The following CCT5 variants were observed in gnomAD, a reference collection of about 807,000 sequenced individuals.
CCT5 encodes chaperonin containing TCP1 subunit 5.
Under a neutral mutation model 55.0 loss-of-function variants are expected in CCT5, and 6 were observed. The observed-to-expected ratio is 0.11, with a 90% confidence interval of 0.06 to 0.22. The LOEUF is 0.22. CCT5 is among the 10% of genes least tolerant of loss of function. The pLI, the probability that CCT5 is intolerant of heterozygous loss-of-function variation, is 1.00. For synonymous variants in CCT5, 231 were observed against 243.7 expected (o/e 0.95, Z 0.49); for missense variants, 560 against 694.6 (o/e 0.81, Z 2.18).
Position 10,254,703 on chromosome 5 carries a change from G to T in CCT5, c.196G>T (p.Gly66Ter). Reference sequence around the variant, plus strand: ...TGATAAGATGATGGTGGATAAGGATGGAGATGTGACTGTAACTAATGATGG... The same window carrying T: ...TGATAAGATGATGGTGGATAAGGATTGAGATGTGACTGTAACTAATGATGG... The part of the protein sequence containing the change: ...GLDKMMVDKD[G>*]DVTVTNDGAT... The change falls in exon 3 of 11, where the codon GGA becomes TGA. Residue 66 changes from glycine to a stop codon, truncating the protein, a stop_gained. Coordinates refer to ENST00000280326, the MANE Select transcript of CCT5 (RefSeq NM_012073.5). LOFTEE classifies it high-confidence loss of function. The T allele has an allele frequency of 6.2e-7, 1 of 1,613,806 alleles. No individual in the cohort carries two copies. The highest frequency in any genetic ancestry group is 8.5e-7 in the Non-Finnish European group (1 of 1,179,780).
rs369643204 is a variant in CCT5, at chr5:10,250,348, C to T, written c.8C>T (p.Ser3Phe). The change falls in exon 1 of 11, where the codon TCC (serine) becomes TTC (phenylalanine). Residue 3 changes from serine to phenylalanine, a missense_variant. This residue lies in a region of CCT5 where 137 missense variants were observed against 181.9 expected (regional missense o/e 0.75). Coordinates refer to ENST00000280326, the MANE Select transcript of CCT5 (RefSeq NM_012073.5). Reference sequence around the variant, plus strand: ...AATTCCGGTTGTTGCACCATGGCGTCCATGGGGACCCTCGCCTTCGATGAA... The same window carrying T: ...AATTCCGGTTGTTGCACCATGGCGTTCATGGGGACCCTCGCCTTCGATGAA... MA[S>F]MGTLAFDEYG... 5.0e-6 allele frequency: 8 copies of T among 1,614,080 alleles called. No homozygotes were observed. The highest frequency in any genetic ancestry group is 5.9e-6 in the Non-Finnish European group (7 of 1,180,030).
At chr5:10,255,741 T>C (rs1579449012) in intron 3 of CCT5, among the ~76,000 whole-genome samples, 2 of 152,358 alleles carry the variant, frequency 1.3e-5, no homozygotes, top group African/African-American at 4.8e-5. Flanking sequence ...GAGGGTTGAA[T>C]GTTCATCTGT....
upstream of CCT5, chr5:10,250,002 C>CA: frequency 1.4e-6 from 2 of 1,470,708 alleles, no homozygotes; most frequent in Non-Finnish European, 1.8e-6. Flanking sequence ...TGCTTTAAGT[C>CA]AATGAATTCC....
At chr5:10,250,000 G>A, upstream of CCT5, 1 of 1,474,786 alleles carries the variant, frequency 6.8e-7, no homozygotes, top group Non-Finnish European at 9.1e-7. Flanking sequence ...AGTGCTTTAA[G>A]TCAATGAATT....
intron 6 of CCT5, 94 bp downstream of exon 6, chr5:10,258,629 TC>T (rs1435735991): frequency 8.4e-7 from 1 of 1,197,476 alleles, no homozygotes; most frequent in African/African-American, 1.5e-5. Flanking sequence ...TTTCTTCAGT[TC>T]TAAAACATAC....
intron 8 of CCT5, 186 bp downstream of exon 8, chr5:10,261,931 T>C: frequency 1.5e-6 from 1 of 671,126 alleles, no homozygotes; most frequent in Admixed American, 2.1e-5. Context: ...CAAGGCACAT[T>C]TGCCTTTCTG....
At position 10,258,538 on chromosome 5, in the gene CCT5, AAGTCTTACCAG is replaced by A; in HGVS notation, c.873+8_873+18del. 2.5e-6 allele frequency: 4 copies of A among 1,612,514 alleles called. No individual in the cohort carries two copies. Among genetic ancestry groups the A allele is most frequent in the Middle Eastern group, 1.7e-4 (1 of 6,056 alleles). The stretch of plus-strand genomic sequence containing the variant: ...AATTTGAAGAGATGATTCAACAAGT[AAGTCTTACCAG>A]AGTCCTCAGTGGAATTTAAACTCCC... On this transcript the variant is annotated splice_donor_5th_base_variant and intron_variant, in intron 6 of 10. Transcript: ENST00000280326.
intron 9 of CCT5, 121 bp downstream of exon 9, chr5:10,262,739 A>G (rs1193838575): frequency 9.4e-7 from 1 of 1,062,214 alleles, no homozygotes; most frequent in South Asian, 1.3e-5. Context: ...TGTAGGTGAC[A>G]GGTGTTTTAA....
upstream of CCT5, chr5:10,250,249 A>G: frequency 2.5e-6 from 4 of 1,594,936 alleles, no homozygotes; most frequent in Non-Finnish European, 2.6e-6. Flanking sequence ...GCGCGTGCGC[A>G]AGCTTTTGGG....
At chr5:10,250,584 G>A in intron 1 of CCT5, 139 bp downstream of exon 1, 13 of 1,488,840 alleles carry the variant, frequency 8.7e-6, no homozygotes, top group South Asian at 2.6e-5. Flanking sequence ...TGCGGTCTCC[G>A]GCCGCTCAGC....
rs758040141 is a variant in CCT5, at chr5:10,256,100, A to G, written c.477A>G (p.Ile159Met). The part of the protein sequence containing the change: ...DKISDSVLVD[I>M]KDTEPLIQTA... The stretch of plus-strand genomic sequence containing the variant: ...TCAGCGATAGCGTCCTTGTTGACAT[A>G]AAGGACACCGAACCCCTGATTCAGA... Residue 159 changes from isoleucine to methionine, a missense_variant, in exon 4 of 11, where the codon ATA becomes ATG. By Grantham distance (10) the Ile-to-Met change is conservative. Coordinates refer to ENST00000280326, the MANE Select transcript of CCT5 (RefSeq NM_012073.5). The G allele has an allele frequency of 6.2e-7, 1 of 1,613,960 alleles. No homozygotes were observed. Among genetic ancestry groups the G allele is most frequent in the Non-Finnish European group, 8.5e-7 (1 of 1,179,864 alleles).
At chr5:10,254,089 T>C in intron 1 of CCT5, 56 bp from the exon 2 acceptor site, 2 of 1,177,604 alleles carry the variant, frequency 1.7e-6, no homozygotes, top group South Asian at 2.4e-5. Flanking sequence ...AGATGTGTGC[T>C]TTTAACCATT....
chr5:10,258,581 TAC>T, intron 6 of CCT5, 46 bp downstream of exon 6: 1 of 1,543,728 alleles, frequency 6.5e-7, no homozygotes, highest in South Asian at 1.1e-5. Context: ...TCCCAAAGGG[TAC>T]AGTTAGTTAG....
chr5:10,262,829 G>A (rs776108932), intron 9 of CCT5, among the ~76,000 whole-genome samples: 4 of 152,118 alleles, frequency 2.6e-5, no homozygotes, highest in African/African-American at 4.8e-5. Context: ...CAGCCAGTTC[G>A]TCCTTGAAAT....
At chr5:10,254,876 C>T (rs764574468) in intron 3 of CCT5, 38 bp downstream of exon 3, 37 of 1,572,628 alleles carry the variant, frequency 2.4e-5, no homozygotes, top group South Asian at 3.3e-5. Context: ...ATTTAAGAGA[C>T]GTCATTTAAG....
intron 8 of CCT5, 66 bp downstream of exon 8, chr5:10,261,811 G>A (rs943014723): frequency 4.6e-6 from 6 of 1,293,810 alleles, no homozygotes; most frequent in Non-Finnish European, 6.8e-6. Flanking sequence ...TTTTTTGCCT[G>A]TGTGTATTTA....
chr5:10,260,692 C>G (rs375292236), intron 6 of CCT5, 100 bp from the exon 7 acceptor site: 3 of 1,299,926 alleles, frequency 2.3e-6, no homozygotes, highest in East Asian at 2.3e-5. Flanking sequence ...TTTGAGTGCA[C>G]CTGCCTTACA....
At chr5:10,250,771 G>C in intron 1 of CCT5, 1 of 1,213,250 alleles carries the variant, frequency 8.2e-7, no homozygotes, top group Non-Finnish European at 1.0e-6. Flanking sequence ...GGCCGCGTGG[G>C]ACTGCGCTCC....
chr5:10,254,392 CTTTTTT>C, intron 2 of CCT5, 187 bp downstream of exon 2: 1 of 516,100 alleles, frequency 1.9e-6, no homozygotes, highest in Non-Finnish European at 3.4e-6. Context: ...TAGGTCGGAC[CTTTTTT>C]TTTTTTTTTT....
Sources: allele counts gnomAD v4.1 joint callset (sites outside exome capture counted in the v4.1 genomes callset), GRCh38; gene constraint gnomAD v4.1.1; regional missense constraint gnomAD v4.1.1; transcripts MANE v1.5; gene names NCBI Gene and HGNC (gene_info 2026-07-23, HGNC 2026-07-21).